Variants in NTNG2 observed in about 807,000 individuals in gnomAD.
The protein encoded by NTNG2 is netrin G2.
Under a neutral mutation model 47.6 loss-of-function variants are expected in NTNG2, and 15 were observed. The ratio of observed to expected loss-of-function variants is 0.32; its 90% CI spans 0.21 to 0.49. NTNG2 has a LOEUF of 0.49. Ranked by LOEUF, NTNG2 falls within the 20% of genes least tolerant of loss-of-function variation. The probability of loss-of-function intolerance (pLI) is 0.99; values close to 1 mark genes in which losing one functional copy is unlikely to be tolerated. For missense variants in NTNG2, 578 were observed against 764.6 expected, an observed-to-expected ratio of 0.76 and a Z score of 2.88; for synonymous variants, 307 against 324.6, an observed-to-expected ratio of 0.95 and a Z score of 0.58.
intron 7 of NTNG2, chr9:132,241,539 A>C: frequency 2.8e-6 from 1 of 358,370 alleles, no homozygotes; most frequent in Admixed American, 4.6e-5. Flanking sequence ...AGGCTGTCCA[A>C]GTCGGCGTTA....
chr9:132,216,731 C>T (rs12343811), intron 3 of NTNG2, among the ~76,000 whole-genome samples: 15,247 of 152,050 alleles, frequency 0.1, 2,044 homozygotes, highest in African/African-American at 0.31. Context: ...ATTCAGAGAG[C>T]GATCGCTTGG....
At chr9:132,234,116 C>T (rs1040871520) in intron 5 of NTNG2, among the ~76,000 whole-genome samples, 1 of 151,844 alleles carries the variant, frequency 6.6e-6, no homozygotes, top group African/African-American at 2.4e-5. Flanking sequence ...CAACCTCCGC[C>T]CCCCCAGGTT....
intron 4 of NTNG2, among the ~76,000 whole-genome samples, chr9:132,229,974 T>C (rs2130960456): frequency 6.6e-6 from 1 of 152,300 alleles, no homozygotes; most frequent in South Asian, 2.1e-4. Context: ...CACTCTCGGC[T>C]ATATTTCTCC....
At chr9:132,211,154 T>A (rs533348153) in intron 3 of NTNG2, among the ~76,000 whole-genome samples, 91 of 152,170 alleles carry the variant, frequency 6.0e-4, no homozygotes, top group Non-Finnish European at 8.4e-4. Flanking sequence ...TCTGTGCTTC[T>A]CCCCCATGTT....
At chr9:132,234,573 C>T (rs1360321110) in intron 5 of NTNG2, among the ~76,000 whole-genome samples, 1 of 152,256 alleles carries the variant, frequency 6.6e-6, no homozygotes, top group Non-Finnish European at 1.5e-5. Context: ...CAGAGTCCAG[C>T]TGGGCCTCTG....
intron 2 of NTNG2, among the ~76,000 whole-genome samples, chr9:132,196,541 A>G (rs1306018927): frequency 6.6e-6 from 1 of 152,166 alleles, no homozygotes; most frequent in African/African-American, 2.4e-5. Context: ...CCACCACTGC[A>G]GTATTATACG....
intron 3 of NTNG2, among the ~76,000 whole-genome samples, chr9:132,206,760 T>A (rs1450830275): frequency 6.6e-6 from 1 of 152,280 alleles, no homozygotes; most frequent in African/African-American, 2.4e-5. Flanking sequence ...TTCACACACC[T>A]TCAACTGCAT....
At chr9:132,228,454 G>C (rs12380847) in intron 4 of NTNG2, among the ~76,000 whole-genome samples, 44,401 of 151,858 alleles carry the variant, frequency 0.29, 7,510 homozygotes, top group Non-Finnish European at 0.37. Context: ...TTTAGTGGCC[G>C]TCACTCTCTC....
chr9:132,184,545 G>A (rs1837192777), intron 2 of NTNG2, among the ~76,000 whole-genome samples: 1 of 152,266 alleles, frequency 6.6e-6, no homozygotes, highest in African/African-American at 2.4e-5. Flanking sequence ...GCTGGAGGGA[G>A]AGCTGTAGAC....
intron 2 of NTNG2, among the ~76,000 whole-genome samples, chr9:132,184,540 A>C (rs914730266): frequency 5.0e-4 from 76 of 152,332 alleles, no homozygotes; most frequent in African/African-American, 1.8e-3. Context: ...CAAAGGCTGG[A>C]GGGAGAGCTG....
intron 2 of NTNG2, among the ~76,000 whole-genome samples, chr9:132,172,971 CA>C (rs1177950841): frequency 6.6e-6 from 1 of 152,064 alleles, no homozygotes; most frequent in African/African-American, 2.4e-5. Flanking sequence ...CCTCGTGATC[CA>C]CCCACCTCAG....
At chr9:132,229,721 T>TGTCCTGCTGGCCACAGCCTTG (rs1185018793) in intron 4 of NTNG2, among the ~76,000 whole-genome samples, 5 of 152,226 alleles carry the variant, frequency 3.3e-5, no homozygotes, top group African/African-American at 4.8e-5. Context: ...CCTCCCTGCC[T>TGTCCTGCTGGCCACAGCCTTG]GTCCTGCTGG....
rs1936006423 is a variant in NTNG2, at chr9:132,197,782, C to T, written c.214-184C>T. ...TTTCTTTGGAAGCCATGGGATTGCA[C>T]ACCTCTGCACGCATTGAGGAAATGG... On this transcript the variant is annotated intron_variant, in intron 2 of 7. Coordinates refer to ENST00000393229, the MANE Select transcript of NTNG2 (RefSeq NM_032536.4). This position sits in a 1 kb window ranked among gnomAD's most constrained non-coding sequence, Gnocchi z 4.3. 6.6e-6 allele frequency among the ~76,000 whole-genome samples: 1 copy of T among 152,092 alleles called. No individual in the cohort carries two copies. The highest frequency in any genetic ancestry group is 2.4e-5 in the African/African-American group (1 of 41,406).
chr9:132,223,006 CG>C (rs1229557731), intron 3 of NTNG2, among the ~76,000 whole-genome samples: 3 of 152,050 alleles, frequency 2.0e-5, no homozygotes, highest in African/African-American at 7.2e-5. Context: ...CCCAGCTACT[CG>C]GGAGGCTGAG....
At chr9:132,223,241 G>T (rs1340640741) in intron 3 of NTNG2, among the ~76,000 whole-genome samples, 1 of 152,210 alleles carries the variant, frequency 6.6e-6, no homozygotes, top group Non-Finnish European at 1.5e-5. Flanking sequence ...GGCAGATGGG[G>T]GTTAGCTGGA....
At chr9:132,227,713 G>A (rs1377655672) in intron 4 of NTNG2, among the ~76,000 whole-genome samples, 1 of 152,166 alleles carries the variant, frequency 6.6e-6, no homozygotes, top group Non-Finnish European at 1.5e-5. Context: ...GCCCAGCCAT[G>A]CCAGGGAGCC....
intron 3 of NTNG2, among the ~76,000 whole-genome samples, chr9:132,216,673 G>A (rs1478436756): frequency 6.6e-6 from 1 of 152,096 alleles, no homozygotes; most frequent in African/African-American, 2.4e-5. Context: ...GGGATCAGGT[G>A]GCCCAGGTGA....
intron 2 of NTNG2, among the ~76,000 whole-genome samples, chr9:132,172,722 A>ATTTTTTTTTTTTTT (rs35406789): frequency 3.6e-5 from 3 of 83,500 alleles, no homozygotes; most frequent in African/African-American, 4.9e-5. Flanking sequence ...TCAGGGCTGT[A>ATTTTTTTTTTTTTT]TTTTTTTTTT....
rs1842043455 is a variant in NTNG2 at position 132,242,360 on chromosome 9, C to T, written c.*249C>T. 1 of 170,620 alleles carries T rather than the reference C, an allele frequency of 5.9e-6. No homozygotes were observed. The highest frequency in any genetic ancestry group is 2.0e-4 in the South Asian group (1 of 5,018). 10.6% of individuals were successfully genotyped at this position (170,620 alleles called of 1,614,324 possible). On this transcript the variant is annotated 3_prime_UTR_variant, in exon 8 of 8. Transcript: ENST00000393229. This position sits in a 1 kb window ranked among gnomAD's most constrained non-coding sequence, Gnocchi z 5.9. ...TTTTTCTTTTGTATTATCCGCCGCCCAGTTCCTTTTTTGTCTTTCTCTCTC... is the reference window on the plus strand; with the variant it reads ...TTTTTCTTTTGTATTATCCGCCGCCTAGTTCCTTTTTTGTCTTTCTCTCTC...
Sources: allele counts gnomAD v4.1 joint callset (sites outside exome capture counted in the v4.1 genomes callset), GRCh38; gene constraint gnomAD v4.1.1; non-coding constraint Gnocchi (gnomAD v3.1); transcripts MANE v1.5; gene names NCBI Gene and HGNC (gene_info 2026-07-23, HGNC 2026-07-21).